The following ZBTB20 variants were observed in gnomAD, a reference collection of about 807,000 sequenced individuals.
ZBTB20 encodes zinc finger and BTB domain-containing protein 20.
A neutral mutation model predicts 56.9 loss-of-function variants in ZBTB20; 9 were observed. That is an observed-to-expected ratio of 0.16 (90% CI 0.10 to 0.28). ZBTB20 has a LOEUF of 0.28. ZBTB20 is among the 10% of genes least tolerant of loss of function. The pLI, the probability that ZBTB20 is intolerant of heterozygous loss-of-function variation, is 1.00. For synonymous variants in ZBTB20, 417 were observed against 420.7 expected (o/e 0.99, Z 0.11); for missense variants, 655 against 1,003.0 (o/e 0.65, Z 4.69).
intron 10 of ZBTB20, chr3:114,359,259 TTGAG>T (rs1316851721): frequency 6.6e-6 from 1 of 152,246 alleles, no homozygotes; most frequent in Non-Finnish European, 1.5e-5. Flanking sequence ...AACTTCAGTC[TTGAG>T]TATTATCACA....
chr3:115,145,353 T>C (rs920222902), intron 1 of ZBTB20, among the ~76,000 whole-genome samples: 7 of 152,318 alleles, frequency 4.6e-5, no homozygotes, highest in Non-Finnish European at 5.9e-5. Context: ...ACCCTCAGTA[T>C]CCATGGGAGA....
chr3:114,643,047 A>T (rs1276072607), intron 6 of ZBTB20, among the ~76,000 whole-genome samples: 1 of 152,126 alleles, frequency 6.6e-6, no homozygotes, highest in Non-Finnish European at 1.5e-5. Context: ...CAAGGAAAAA[A>T]ATATTTTATG....
chr3:114,773,453 T>C (rs1212304899), intron 5 of ZBTB20, among the ~76,000 whole-genome samples: 1 of 152,174 alleles, frequency 6.6e-6, no homozygotes, highest in African/African-American at 2.4e-5. Flanking sequence ...CTTAACACTA[T>C]AAATACATTT....
chr3:114,990,973 GCGT>G (rs2078781027), intron 2 of ZBTB20, among the ~76,000 whole-genome samples: 1 of 151,966 alleles, frequency 6.6e-6, no homozygotes, highest in African/African-American at 2.4e-5. Flanking sequence ...ATTTTTTATT[GCGT>G]CTATTTGATT....
chr3:114,351,947 T>C lies in ZBTB20; in HGVS notation c.200-69A>G. On this transcript the variant is annotated intron_variant, in intron 10 of 11. Transcript: ENST00000675478. ...TCTAGCTGGTTGCATTCCTAACACC[T>C]AGGTTTCAGGTGAGTAATGCTCATG... The C allele has an allele frequency of 2.6e-6, 4 of 1,537,564 alleles. No homozygotes were observed. The East Asian group carries it at 6.8e-5, about 26-fold the overall frequency.
chr3:114,568,622 T>TA (rs2053070179), intron 6 of ZBTB20, among the ~76,000 whole-genome samples: 1 of 152,204 alleles, frequency 6.6e-6, no homozygotes, highest in Non-Finnish European at 1.5e-5. Flanking sequence ...TTTAAGTGGA[T>TA]AGGGAAGATA....
At chr3:114,867,584 C>T (rs908603624) in intron 4 of ZBTB20, among the ~76,000 whole-genome samples, 1 of 152,070 alleles carries the variant, frequency 6.6e-6, no homozygotes, top group African/African-American at 2.4e-5. Flanking sequence ...TACAGACGCA[C>T]CCCACCACGC....
intron 7 of ZBTB20, among the ~76,000 whole-genome samples, chr3:114,422,864 G>GTGT (rs1287702384): frequency 6.6e-6 from 1 of 152,060 alleles, no homozygotes; most frequent in African/African-American, 2.4e-5. Flanking sequence ...GAAAAAAATG[G>GTGT]TGTTATATAT....
At chr3:114,879,048 T>G (rs541968876) in intron 4 of ZBTB20, among the ~76,000 whole-genome samples, 1 of 152,288 alleles carries the variant, frequency 6.6e-6, no homozygotes, top group Non-Finnish European at 1.5e-5. Flanking sequence ...GGGAGATGCA[T>G]TTCCTTGGAC....
chr3:114,696,551 G>A (rs900104827), intron 5 of ZBTB20, among the ~76,000 whole-genome samples: 3 of 151,968 alleles, frequency 2.0e-5, no homozygotes, highest in Non-Finnish European at 4.4e-5. Context: ...TTTTATGACC[G>A]CTTGAGAGGC....
chr3:115,046,971 T>C (rs2081355797), intron 2 of ZBTB20, among the ~76,000 whole-genome samples: 1 of 152,234 alleles, frequency 6.6e-6, no homozygotes, highest in African/African-American at 2.4e-5. Context: ...AATTTAATTA[T>C]CTGCTACCAC....
chr3:114,857,029 T>C (rs980701593), intron 4 of ZBTB20, among the ~76,000 whole-genome samples: 11 of 152,194 alleles, frequency 7.2e-5, no homozygotes, highest in African/African-American at 2.2e-4. Flanking sequence ...GCTAGATTGA[T>C]TGCAGGCCTA....
intron 1 of ZBTB20, among the ~76,000 whole-genome samples, chr3:115,145,246 T>C (rs1433839714): frequency 3.3e-5 from 5 of 152,180 alleles, no homozygotes; most frequent in African/African-American, 9.7e-5. Context: ...TGAAAATCAA[T>C]GTAATTTTTT....
intron 4 of ZBTB20, among the ~76,000 whole-genome samples, chr3:114,880,686 T>C (rs896407315): frequency 6.6e-6 from 1 of 152,112 alleles, no homozygotes; most frequent in African/African-American, 2.4e-5. Context: ...GTCCAAAAAT[T>C]AGAGATCAGC....
At chr3:114,597,258 T>C (rs2056396079) in intron 6 of ZBTB20, among the ~76,000 whole-genome samples, 1 of 152,184 alleles carries the variant, frequency 6.6e-6, no homozygotes, top group Non-Finnish European at 1.5e-5. Flanking sequence ...GCCTTCTTCC[T>C]TCACCTCTCT....
At chr3:114,926,925 T>G (rs1364157784) in intron 3 of ZBTB20, among the ~76,000 whole-genome samples, 2 of 152,174 alleles carry the variant, frequency 1.3e-5, no homozygotes, top group African/African-American at 4.8e-5. Flanking sequence ...TTATTTTTTG[T>G]AGACATACGG....
intron 1 of ZBTB20, among the ~76,000 whole-genome samples, chr3:115,145,656 C>G (rs1560607089): frequency 6.6e-6 from 1 of 152,122 alleles, no homozygotes; most frequent in Non-Finnish European, 1.5e-5. Flanking sequence ...GATGCAGAAC[C>G]CAGGCACAGG....
chr3:114,454,942 G>GA (rs10692828), intron 7 of ZBTB20: 24,710 of 139,468 alleles, frequency 0.18, 2,960 homozygotes, highest in African/African-American at 0.33. Flanking sequence ...AGAGAGAGAG[G>GA]AAAAAAAAAC....
intron 2 of ZBTB20, among the ~76,000 whole-genome samples, chr3:115,019,203 T>G (rs1254318775): frequency 6.6e-6 from 1 of 151,370 alleles, no homozygotes; most frequent in East Asian, 1.9e-4. Context: ...AGTTTAAATC[T>G]GCCCTTCATC....
Sources: gnomAD v4.1 joint callset for allele counts (sites outside exome capture counted in the v4.1 genomes callset) on GRCh38, gnomAD v4.1.1 for gene constraint, MANE v1.5 for transcripts, NCBI Gene and HGNC (gene_info 2026-07-23, HGNC 2026-07-21) for gene names.